The following USP50 variants were observed in gnomAD, a reference collection of about 807,000 sequenced individuals.
USP50 encodes ubiquitin carboxyl-terminal hydrolase 50.
Under a neutral mutation model 39.2 loss-of-function variants are expected in USP50, and 37 were observed. The observed-to-expected ratio is 0.94, with a 90% confidence interval of 0.73 to 1.24. The LOEUF (loss-of-function observed/expected upper bound fraction) is 1.24, where lower values mean the gene tolerates loss of function less well. USP50 is among the 50% of genes most tolerant of loss of function. USP50 has a pLI of 0.00. For missense variants in USP50, 374 were observed against 398.2 expected (o/e 0.94, Z 0.52); for synonymous variants, 139 against 144.5 (o/e 0.96, Z 0.27).
At chr15:50,495,766 G>GTGTT, downstream of USP50, 1 of 1,113,006 alleles carries the variant, frequency 9.0e-7, no homozygotes. Flanking sequence ...AATCTGGCAA[G>GTGTT]TGTTTGTATT....
intron 5 of USP50, among the ~76,000 whole-genome samples, chr15:50,538,090 A>G (rs932497959): frequency 3.3e-5 from 5 of 151,360 alleles, no homozygotes; most frequent in African/African-American, 1.2e-4. Context: ...CGTGGCCAAC[A>G]TGGTGAAACC....
intron 6 of USP50, among the ~76,000 whole-genome samples, chr15:50,514,971 G>C (rs1315375487): frequency 2.1e-5 from 3 of 144,048 alleles, no homozygotes; most frequent in Non-Finnish European, 4.5e-5. Flanking sequence ...ACTTCAGCCT[G>C]GGAAAAAGAG....
chr15:50,529,984 G>A, intron 5 of USP50, 55 bp from the exon 6 acceptor site: 1 of 1,600,904 alleles, frequency 6.2e-7, no homozygotes, highest in Non-Finnish European at 8.5e-7. Context: ...CCACTCATTT[G>A]TCTACATGAC....
intron 6 of USP50, among the ~76,000 whole-genome samples, chr15:50,514,855 G>T (rs1476123022): frequency 1.3e-5 from 2 of 151,582 alleles, no homozygotes; most frequent in African/African-American, 4.8e-5. Context: ...AATTAGCTGG[G>T]CATGATGGCA....
At chr15:50,529,158 T>C (rs554940455) in intron 6 of USP50, among the ~76,000 whole-genome samples, 2 of 152,220 alleles carry the variant, frequency 1.3e-5, no homozygotes, top group African/African-American at 4.8e-5. Flanking sequence ...ATCTTGTGGC[T>C]AGTATGTACC....
downstream of USP50, chr15:50,499,528 T>C (rs931566876): frequency 1.3e-5 from 2 of 152,470 alleles, no homozygotes; most frequent in Non-Finnish European, 2.9e-5. Context: ...ATCAAATCGA[T>C]GTACATAGTT....
At chr15:50,493,827 T>G (rs16963739), downstream of USP50, 206 of 649,534 alleles carry the variant, frequency 3.2e-4, no homozygotes, top group African/African-American at 3.3e-3. Flanking sequence ...CTCGCTGTCA[T>G]GAACTGGAGC....
intron 6 of USP50, among the ~76,000 whole-genome samples, chr15:50,525,600 G>GTA (rs1232158756): frequency 3.5e-5 from 5 of 142,844 alleles, no homozygotes; most frequent in Non-Finnish European, 6.0e-5. Context: ...ATGTATATAT[G>GTA]TATATGTATA....
rs1566912193 is a variant in USP50 at position 50,541,278 on chromosome 15, CA to C, written c.445-15del. ...GGAGTAGTGGTACTGAATCAAGGAG[CA>C]AATTTCACCCAAATTAATTATTGGT... On this transcript the variant is annotated splice_polypyrimidine_tract_variant and intron_variant, in intron 3 of 6. Coordinates refer to ENST00000532404, the MANE Select transcript of USP50 (RefSeq NM_203494.5). 6.3e-7 allele frequency: 1 copy of C among 1,590,958 alleles called. No individual in the cohort carries two copies. Among genetic ancestry groups the C allele is most frequent in the East Asian group, 2.2e-5 (1 of 44,672 alleles).
At chr15:50,524,898 A>G (rs1398357324) in intron 6 of USP50, among the ~76,000 whole-genome samples, 1 of 152,076 alleles carries the variant, frequency 6.6e-6, no homozygotes, top group Non-Finnish European at 1.5e-5. Context: ...TCAACAAAAA[A>G]AAAACCCTAC....
Position 50,541,053 on chromosome 15 carries a change from AG to A in USP50, c.655del (p.Leu219PhefsTer14), listed in dbSNP as rs2053024986. On this transcript the variant is annotated frameshift_variant, in exon 4 of 7. Transcript: ENST00000532404. LOFTEE classifies it high-confidence loss of function. The stretch of plus-strand genomic sequence containing the variant: ...CCAGGAATACTGCATTCCTACCCGA[AG>A]GGAGCATTCATATTTGGATGGAATG... ...LPIPSKYECSLRDCLQCFFQQ... is the reference protein window; with the variant it reads ...LPIPSKYECSXRDCLQCFFQQ... 1 of 1,612,876 alleles carries A rather than the reference AG, an allele frequency of 6.2e-7. No homozygotes were observed. The highest frequency in any genetic ancestry group is 1.1e-5 in the South Asian group (1 of 91,032).
chr15:50,542,463 T>G lies in USP50; in HGVS notation c.444+1135A>C, dbSNP rs28419406. On this transcript the variant is annotated intron_variant, in intron 3 of 6. Transcript: ENST00000532404. ...AAGTGCTGCCATGAATATGTTTTTG[T>G]TTTTTTTTTTCCTTTTCATTTTTTT... Among the ~76,000 whole-genome samples, 481 of 128,184 alleles carry G rather than the reference T, an allele frequency of 3.8e-3. 1 individual carries two copies. Among genetic ancestry groups the G allele is most frequent in the Admixed American group, 5.8e-3 (74 of 12,730 alleles). 84.1% of individuals were successfully genotyped at this position (128,184 alleles called of 152,430 possible).
downstream of USP50, chr15:50,499,525 C>G (rs1055707090): frequency 1.3e-5 from 2 of 152,362 alleles, no homozygotes; most frequent in Non-Finnish European, 2.9e-5. Flanking sequence ...CACATCAAAT[C>G]GATGTACATA....
chr15:50,544,857 T>A, intron 1 of USP50, 76 bp from the exon 2 acceptor site: 1 of 1,357,262 alleles, frequency 7.4e-7, no homozygotes, highest in South Asian at 1.4e-5. Context: ...CTTCTCTTAA[T>A]ATTATGAAAT....
Position 50,544,695 on chromosome 15 carries a change from C to T in USP50, c.140G>A (p.Trp47Ter), listed in dbSNP as rs781676950. Residue 47 changes from tryptophan (W) to a stop codon, truncating the protein, a stop_gained, in exon 2 of 7, where the codon TGG becomes TAG. Coordinates refer to ENST00000532404, the MANE Select transcript of USP50 (RefSeq NM_203494.5). LOFTEE classifies it high-confidence loss of function. ...CACGCAGCATGTGTTGCCCAAGTTCCACAAGCCAGTGACACCCTGAAAATG... is the reference window on the plus strand; with the variant it reads ...CACGCAGCATGTGTTGCCCAAGTTCTACAAGCCAGTGACACCCTGAAAATG... ...QPHFQGVTGL[W>*]NLGNTCCVNA... 2 of 1,613,982 alleles carry T rather than the reference C, an allele frequency of 1.2e-6. No individual in the cohort carries two copies. Among genetic ancestry groups the T allele is most frequent in the Admixed American group, 1.7e-5 (1 of 60,032 alleles).
At chr15:50,507,186 G>C (rs1351978327) in intron 6 of USP50, 1 of 152,394 alleles carries the variant, frequency 6.6e-6, no homozygotes, top group Non-Finnish European at 1.5e-5. Context: ...GGGAAGCTGA[G>C]GCAGGAGAGT....
At chr15:50,532,865 T>C (rs2052951722) in intron 5 of USP50, among the ~76,000 whole-genome samples, 1 of 152,154 alleles carries the variant, frequency 6.6e-6, no homozygotes, top group South Asian at 2.1e-4. Flanking sequence ...TTTTCTTTTC[T>C]TTTAACTACT....
At chr15:50,532,806 A>T (rs2052951202) in intron 5 of USP50, among the ~76,000 whole-genome samples, 1 of 152,194 alleles carries the variant, frequency 6.6e-6, no homozygotes, top group African/African-American at 2.4e-5. Flanking sequence ...TGAACGAATG[A>T]ACCAAAAGAA....
chr15:50,546,372 G>GAACCCAT, intron 1 of USP50, 101 bp downstream of exon 1: 2 of 1,300,238 alleles, frequency 1.5e-6, no homozygotes, highest in Non-Finnish European at 2.2e-6. Flanking sequence ...GGTCACACCT[G>GAACCCAT]GGAGAACCCT....
Sources: allele counts gnomAD v4.1 joint callset (sites outside exome capture counted in the v4.1 genomes callset), GRCh38; gene constraint gnomAD v4.1.1; transcripts MANE v1.5; gene names NCBI Gene and HGNC (gene_info 2026-07-23, HGNC 2026-07-21).